Variants in PCDHGA5 observed in about 807,000 individuals in gnomAD.
PCDHGA5 encodes protocadherin gamma-A5.
Under a neutral mutation model 56.7 loss-of-function variants are expected in PCDHGA5, and 36 were observed. The ratio of observed to expected loss-of-function variants is 0.64; its 90% CI spans 0.49 to 0.84. The LOEUF (loss-of-function observed/expected upper bound fraction) is 0.84, where lower values mean the gene tolerates loss of function less well. Ranked by LOEUF, PCDHGA5 falls within the 40% of genes least tolerant of loss-of-function variation. The pLI, the probability that PCDHGA5 is intolerant of heterozygous loss-of-function variation, is 0.00. For synonymous variants in PCDHGA5, 563 were observed against 520.2 expected, an observed-to-expected ratio of 1.08 and a Z score of -1.12; for missense variants, 1,305 against 1,201.5, an observed-to-expected ratio of 1.09 and a Z score of -1.27.
intron 1 of PCDHGA5, chr5:141,383,413 C>T (rs1160072155): frequency 6.2e-7 from 1 of 1,614,020 alleles, no homozygotes. Context: ...GAGTTACCAG[C>T]TCAGCCCCAA....
intron 1 of PCDHGA5, among the ~76,000 whole-genome samples, chr5:141,447,023 GT>G (rs5871773): frequency 0.034 from 5,146 of 151,536 alleles, 101 homozygotes; most frequent in Middle Eastern, 0.088. Flanking sequence ...GTTTTGTTTT[GT>G]TTTTTTTCTG....
rs2099427641 is a variant in PCDHGA5, at chr5:141,477,974, G to T, written c.2422-16833G>T. The T allele has an allele frequency of 1.2e-6, 2 of 1,614,034 alleles. No homozygotes were observed. The highest frequency in any genetic ancestry group is 1.6e-4 in the Middle Eastern group (1 of 6,062). On this transcript the variant is annotated intron_variant, in intron 1 of 3. Transcript: ENST00000518069. This position sits in a 1 kb window ranked among gnomAD's most constrained non-coding sequence, Gnocchi z 4.9. ...GGGATCCCCTAACCAGAGCCTTTTT[G>T]CCATAGGGCTGCACACTGGTCAAAT...
chr5:141,385,604 C>T, intron 1 of PCDHGA5: 1 of 1,188,174 alleles, frequency 8.4e-7, no homozygotes, highest in Non-Finnish European at 1.1e-6. Flanking sequence ...TTTCTTAACT[C>T]ATATATTTTA....
intron 1 of PCDHGA5, chr5:141,413,750 G>T (rs1325273363): frequency 6.2e-7 from 1 of 1,612,538 alleles, no homozygotes; most frequent in African/African-American, 1.3e-5. Flanking sequence ...CGTGCCAATG[G>T]CGTCAAGTAC....
rs771321011 is a variant in PCDHGA5 at position 141,371,062 on chromosome 5, G to A, written c.2421+4311G>A. On this transcript the variant is annotated intron_variant, in intron 1 of 3. Coordinates refer to ENST00000518069, the MANE Select transcript of PCDHGA5 (RefSeq NM_018918.3). ...GTGGATGGGGGCGAGCCCTCCAGAA[G>A]CTGTACCACCCAGATCAGGGTAATT... 4 of 1,613,856 alleles carry A rather than the reference G, an allele frequency of 2.5e-6. No homozygotes were observed. The highest frequency in any genetic ancestry group is 3.4e-6 in the Non-Finnish European group (4 of 1,179,884).
At chr5:141,492,008 G>A (rs1201433644) in intron 1 of PCDHGA5, 21 of 616,588 alleles carry the variant, frequency 3.4e-5, no homozygotes, top group Admixed American at 2.9e-4. Flanking sequence ...CGATTTCCGC[G>A]GGTGTCGGGG....
At position 141,489,852 on chromosome 5, in the gene PCDHGA5, C is replaced by G. The variant is rs1197191101; in HGVS notation, c.2422-4955C>G. ...TAGAGCAGCAGCTGGATCGTGAAGC[C>G]CAGGCAAGACATCAGCTGGTGCTTA... On this transcript the variant is annotated intron_variant, in intron 1 of 3. Transcript: ENST00000518069. This position sits in a 1 kb window ranked among gnomAD's most constrained non-coding sequence, Gnocchi z 4.5. The G allele has an allele frequency of 6.2e-7, 1 of 1,614,034 alleles. No homozygotes were observed. Among genetic ancestry groups the G allele is most frequent in the Admixed American group, 1.7e-5 (1 of 60,004 alleles).
At chr5:141,388,062 G>A (rs1237358865) in intron 1 of PCDHGA5, 1 of 1,380,416 alleles carries the variant, frequency 7.2e-7, no homozygotes, top group African/African-American at 1.5e-5. Flanking sequence ...CAGCGTCCAG[G>A]AGTTACCGAC....
At chr5:141,413,729 G>C (rs2095671676) in intron 1 of PCDHGA5, 1 of 1,613,378 alleles carries the variant, frequency 6.2e-7, no homozygotes, top group Non-Finnish European at 8.5e-7. Flanking sequence ...TTCTCCCTAA[G>C]AGTTCAGAGC....
At chr5:141,397,543 G>A (rs547149193) in intron 1 of PCDHGA5, among the ~76,000 whole-genome samples, 17 of 152,282 alleles carry the variant, frequency 1.1e-4, no homozygotes, top group African/African-American at 3.8e-4. Flanking sequence ...TTTGAAATCA[G>A]TATAGTATGA....
intron 3 of PCDHGA5, among the ~76,000 whole-genome samples, chr5:141,508,649 C>T (rs1303066200): frequency 6.6e-6 from 1 of 152,126 alleles, no homozygotes; most frequent in Non-Finnish European, 1.5e-5. Flanking sequence ...CCGTCAGGCC[C>T]TTCCTGTCAT....
rs773522759 is a variant in PCDHGA5, at chr5:141,419,457, A to G, written c.2421+52706A>G. The G allele has an allele frequency of 7.4e-6, 12 of 1,612,610 alleles. No homozygotes were observed. The South Asian group carries it at 1.3e-4, about 18-fold the overall frequency. On this transcript the variant is annotated intron_variant, in intron 1 of 3. Transcript: ENST00000518069. ...CTGCGCACCTTCGAGCTCACGCTGC[A>G]GGCCCGCGACCAGGGCTCGCCCGCG...
chr5:141,404,455 C>T, intron 1 of PCDHGA5: 1 of 1,611,994 alleles, frequency 6.2e-7, no homozygotes, highest in Non-Finnish European at 8.5e-7. Context: ...GGTCTCCTCT[C>T]TCCACCTATG....
rs1394234849 is a variant in PCDHGA5 at position 141,415,739 on chromosome 5, GGTTT to G, written c.2421+48989_2421+48992del. The G allele has an allele frequency of 1.9e-3, 837 of 434,806 alleles. 9 individuals are homozygous for G. In the African/African-American group the frequency reaches 0.026, roughly 14 times the overall value. The allele number at this position is 434,806 out of a possible 1,614,324, so 26.9% of individuals were successfully genotyped here. A position where few individuals can be genotyped will look rare whatever the true frequency, so the allele number is the denominator to read the frequency against. On this transcript the variant is annotated intron_variant, in intron 1 of 3. Coordinates refer to ENST00000518069, the MANE Select transcript of PCDHGA5 (RefSeq NM_018918.3). ...ATGAGTAGAATTTGATGTTTATTAAGGTTTTTTTTTTTTTTTTTTTTTTTTTTTT... is the reference window on the plus strand; with the variant it reads ...ATGAGTAGAATTTGATGTTTATTAAGTTTTTTTTTTTTTTTTTTTTTTTTT...
rs1485669709 is a variant in PCDHGA5 at position 141,432,989 on chromosome 5, G to A, written c.2422-61818G>A. On this transcript the variant is annotated intron_variant, in intron 1 of 3. Coordinates refer to ENST00000518069, the MANE Select transcript of PCDHGA5 (RefSeq NM_018918.3). The surrounding 1 kb of genome is among the most constrained non-coding windows in gnomAD (Gnocchi z 6.0). ...GCCGGCGTCGCACTTTGTGGGCGTG[G>A]ACGGGGTGCAGGCTTTCCTGCAGAC... The A allele has an allele frequency of 1.9e-6, 3 of 1,614,210 alleles. No individual in the cohort carries two copies. The highest frequency in any genetic ancestry group is 1.3e-5 in the African/African-American group (1 of 75,066).
In PCDHGA5 at chr5:141,490,211, ACCAGGGACAG is replaced by A. The variant is rs1259297201; in HGVS notation, c.2422-4593_2422-4584del. 1 of 1,614,212 alleles carries A rather than the reference ACCAGGGACAG, an allele frequency of 6.2e-7. No individual in the cohort carries two copies. ...TATGAAATTCATGCAAGAGCCCGTG[ACCAGGGACAG>A]CCTGCCATGGAGGGCCACTGTGTGA... is the stretch of plus-strand genomic sequence containing the variant. On this transcript the variant is annotated intron_variant, in intron 1 of 3. Transcript: ENST00000518069. The surrounding 1 kb of genome is among the most constrained non-coding windows in gnomAD (Gnocchi z 5.4).
intron 1 of PCDHGA5, chr5:141,394,634 C>T (rs764703837): frequency 2.5e-6 from 4 of 1,613,328 alleles, no homozygotes; most frequent in Non-Finnish European, 1.7e-6. Flanking sequence ...TGTCCTACCG[C>T]CTGCTCAAGG....
At chr5:141,406,346 G>C (rs1296474677) in intron 1 of PCDHGA5, among the ~76,000 whole-genome samples, 1 of 152,092 alleles carries the variant, frequency 6.6e-6, no homozygotes, top group Non-Finnish European at 1.5e-5. Flanking sequence ...ATTTATTCAG[G>C]TCATACTATG....
intron 1 of PCDHGA5, chr5:141,398,588 T>C: frequency 1.9e-6 from 3 of 1,614,010 alleles, no homozygotes; most frequent in African/African-American, 1.3e-5. Flanking sequence ...AGATTTATAC[T>C]AGAAGTAGCA....
Sources: allele counts gnomAD v4.1 joint callset (sites outside exome capture counted in the v4.1 genomes callset), GRCh38; gene constraint gnomAD v4.1.1; non-coding constraint Gnocchi (gnomAD v3.1); transcripts MANE v1.5; gene names NCBI Gene and HGNC (gene_info 2026-07-23, HGNC 2026-07-21).